The following FBXL5 variants were observed in gnomAD, a reference collection of about 807,000 sequenced individuals.
FBXL5 encodes F-box/LRR-repeat protein 5.
A neutral mutation model predicts 78.3 loss-of-function variants in FBXL5; 26 were observed. The ratio of observed to expected loss-of-function variants is 0.33; its 90% CI spans 0.24 to 0.46. The LOEUF is 0.46. Among genes scored for constraint, FBXL5 ranks in the 20% least tolerant of loss-of-function variants. FBXL5 has a pLI of 1.00. For synonymous variants in FBXL5, 295 were observed against 282.5 expected (o/e 1.04, Z -0.45); for missense variants, 710 against 829.2 (o/e 0.86, Z 1.77).
intron 6 of FBXL5, among the ~76,000 whole-genome samples, chr4:15,628,430 A>G (rs370370670): frequency 2.0e-5 from 3 of 152,310 alleles, no homozygotes; most frequent in African/African-American, 7.2e-5. Flanking sequence ...GTTTTACTTA[A>G]TAACTTCTGT....
At position 15,623,003 on chromosome 4, in the gene FBXL5, A is replaced by G. The variant is rs116549117; in HGVS notation, c.1850+2249T>C. Among the ~76,000 whole-genome samples, 1,284 of 152,340 alleles carry G rather than the reference A, an allele frequency of 8.4e-3. 23 individuals carry two copies. Among genetic ancestry groups the G allele is most frequent in the African/African-American group, 0.029 (1,214 of 41,576 alleles). On this transcript the variant is annotated intron_variant, in intron 9 of 10. Coordinates refer to ENST00000341285, the MANE Select transcript of FBXL5 (RefSeq NM_012161.4). ...TCCACTTTGTTCTAAGGTTGATAAT[A>G]TCAGAATTTGTTAATGAAGTGCCAA... is the stretch of plus-strand genomic sequence containing the variant.
intron 1 of FBXL5, among the ~76,000 whole-genome samples, chr4:15,665,367 A>G (rs954227806): frequency 6.6e-6 from 1 of 152,136 alleles, no homozygotes; most frequent in African/African-American, 2.4e-5. Context: ...TACCCCTATA[A>G]TCAGAATCCC....
intron 1 of FBXL5, among the ~76,000 whole-genome samples, chr4:15,668,540 C>G (rs1717639479): frequency 6.6e-6 from 1 of 151,046 alleles, no homozygotes; most frequent in Non-Finnish European, 1.5e-5. Context: ...AAACCAACAG[C>G]CAACATCGTA....
chr4:15,665,965 C>A (rs1228203990), intron 1 of FBXL5, among the ~76,000 whole-genome samples: 2 of 152,030 alleles, frequency 1.3e-5, no homozygotes, highest in African/African-American at 4.8e-5. Context: ...GAATCACTTC[C>A]TTGAGGCCAA....
Position 15,644,509 on chromosome 4 carries a change from C to A in FBXL5, c.284G>T (p.Gly95Val). ...GCAACTTACCTTAACATTCTTCAGTCCCTTTTCAAAGAGGCTAAGCATCTC... is the reference window on the plus strand; with the variant it reads ...GCAACTTACCTTAACATTCTTCAGTACCTTTTCAAAGAGGCTAAGCATCTC... Reference protein sequence around the residue: ...LSEMLSLFEKGLKNVKNEYEQ... With the variant: ...LSEMLSLFEKVLKNVKNEYEQ... The change falls in exon 2 of 11, where the codon GGA becomes GTA. Residue 95 changes from glycine to valine, a missense_variant. Gly to Val is a moderately radical substitution (Grantham distance 109). Around this residue, in one of 4 missense-constraint regions of FBXL5, gnomAD observed 132 missense variants for 156.9 expected, o/e 0.84. Coordinates refer to ENST00000341285, the MANE Select transcript of FBXL5 (RefSeq NM_012161.4). 1 of 1,611,320 alleles carries A rather than the reference C, an allele frequency of 6.2e-7. No individual in the cohort carries two copies. Among genetic ancestry groups the A allele is most frequent in the South Asian group, 1.1e-5 (1 of 90,946 alleles).
rs75867259 is a variant in FBXL5, at chr4:15,612,697, T to C, written c.1851-283A>G. The stretch of plus-strand genomic sequence containing the variant: ...AATTCTTAGAGGAAGTACTGAACCC[T>C]GGAGTTGTAATGTTCATTCTCCTAC... On this transcript the variant is annotated intron_variant, in intron 9 of 10. Transcript: ENST00000341285. Among the ~76,000 whole-genome samples, 5 of 152,240 alleles carry C rather than the reference T, an allele frequency of 3.3e-5. No homozygotes were observed. In the East Asian group the frequency reaches 9.6e-4, roughly 29 times the overall value.
chr4:15,635,110 T>C (rs540554343), intron 5 of FBXL5, among the ~76,000 whole-genome samples: 2 of 152,188 alleles, frequency 1.3e-5, no homozygotes, highest in Admixed American at 6.6e-5. Flanking sequence ...GACGGGTGGA[T>C]CACCTGAGGT....
At chr4:15,635,651 G>T (rs985220964) in intron 5 of FBXL5, among the ~76,000 whole-genome samples, 25 of 151,682 alleles carry the variant, frequency 1.6e-4, no homozygotes, top group African/African-American at 6.1e-4. Flanking sequence ...TACTTGGAAG[G>T]CTGAGGCAGG....
chr4:15,664,549 CCTTT>C (rs1717452307), upstream of FBXL5, among the ~76,000 whole-genome samples: 1 of 127,520 alleles, frequency 7.8e-6, no homozygotes, highest in South Asian at 2.6e-4. Flanking sequence ...GGGCCCTCAT[CCTTT>C]TTTTTTTTTT....
upstream of FBXL5, among the ~76,000 whole-genome samples, chr4:15,661,107 C>T (rs1371365600): frequency 2.0e-5 from 3 of 151,818 alleles, no homozygotes; most frequent in Admixed American, 6.6e-5. Context: ...TAACCTTTAA[C>T]GAATCATTAT....
intron 1 of FBXL5, among the ~76,000 whole-genome samples, chr4:15,649,411 T>C (rs1433953555): frequency 6.6e-6 from 1 of 151,846 alleles, no homozygotes; most frequent in Non-Finnish European, 1.5e-5. Flanking sequence ...TCTGCTAACC[T>C]CTACTAAAAC....
intron 10 of FBXL5, among the ~76,000 whole-genome samples, chr4:15,609,245 A>C (rs898118356): frequency 1.3e-5 from 2 of 152,176 alleles, no homozygotes; most frequent in Non-Finnish European, 2.9e-5. Flanking sequence ...AAATTACATT[A>C]AGGAATAATA....
intron 1 of FBXL5, among the ~76,000 whole-genome samples, chr4:15,646,541 A>ATTT (rs202149517): frequency 2.7e-5 from 4 of 148,770 alleles, no homozygotes; most frequent in South Asian, 2.1e-4. Flanking sequence ...AATGCTAAAT[A>ATTT]TTTTTTATTA....
At position 15,636,490 on chromosome 4, in the gene FBXL5, C is replaced by A. The variant is rs560127500; in HGVS notation, c.766+4G>T. 6.5e-7 allele frequency: 1 copy of A among 1,534,292 alleles called. No homozygotes were observed. On this transcript the variant is annotated splice_donor_region_variant and intron_variant, in intron 5 of 10. Transcript: ENST00000341285. ...GAAAATATTTTAAAAACCCATTTAC[C>A]TACCTCTGGCCCAATGAACAGGGTA... is the stretch of plus-strand genomic sequence containing the variant.
At chr4:15,645,324 T>C (rs966803733) in intron 1 of FBXL5, among the ~76,000 whole-genome samples, 2 of 152,220 alleles carry the variant, frequency 1.3e-5, no homozygotes, top group East Asian at 1.9e-4. Flanking sequence ...GTGCGGATTA[T>C]GCATTTTAAG....
rs1203097050 is a variant in FBXL5, at chr4:15,605,041, T to C, written c.*682A>G. On this transcript the variant is annotated 3_prime_UTR_variant, in exon 11 of 11. Transcript: ENST00000341285. ...AAGTCCTCAAAGTAGATTTTATTTA[T>C]ACATTTCTTCAAATGATTGTGGTAT... 1 of 152,634 alleles carries C rather than the reference T, an allele frequency of 6.6e-6. No individual in the cohort carries two copies. The highest frequency in any genetic ancestry group is 1.5e-5 in the Non-Finnish European group (1 of 68,050). 9.5% of individuals were successfully genotyped at this position (152,634 alleles called of 1,614,324 possible).
rs141179907 is a variant in FBXL5 at position 15,672,166 on chromosome 4, G to A, written c.-284+9217C>T. Among the ~76,000 whole-genome samples the A allele has an allele frequency of 4.0e-3, 608 of 152,328 alleles. 2 individuals carry two copies. Among genetic ancestry groups the A allele is most frequent in the Middle Eastern group, 0.01 (3 of 294 alleles). ...CTTGCTTTAAACACTTGTTAGGCAA[G>A]ACAGGGACAGTGTTCAGTCTAGGGC... On this transcript the variant is annotated intron_variant, in intron 1 of 4. Transcript: ENST00000507899.
At chr4:15,654,583 A>ACACATG (rs1163692114) in intron 1 of FBXL5, among the ~76,000 whole-genome samples, 1 of 152,244 alleles carries the variant, frequency 6.6e-6, no homozygotes, top group African/African-American at 2.4e-5. Context: ...AACGATAACG[A>ACACATG]CACATGAAGA....
chr4:15,640,541 AAG>A (rs1449281832), intron 3 of FBXL5, among the ~76,000 whole-genome samples: 2 of 152,086 alleles, frequency 1.3e-5, no homozygotes, highest in African/African-American at 4.8e-5. Context: ...ATTTACAAAA[AAG>A]AAAATTAATA....
Sources: gnomAD v4.1 joint callset for allele counts (sites outside exome capture counted in the v4.1 genomes callset) on GRCh38, gnomAD v4.1.1 for gene constraint, gnomAD v4.1.1 regional missense constraint, MANE v1.5 for transcripts, NCBI Gene and HGNC (gene_info 2026-07-23, HGNC 2026-07-21) for gene names.